Variants in ASCC3 observed in about 807,000 individuals in gnomAD.
The protein encoded by ASCC3 is ASC-1 complex subunit P200.
A neutral mutation model predicts 256.3 loss-of-function variants in ASCC3; 158 were observed. The ratio of observed to expected loss-of-function variants is 0.62; its 90% CI spans 0.54 to 0.70. ASCC3 has a LOEUF of 0.70. Ranked by LOEUF, ASCC3 falls within the 30% of genes least tolerant of loss-of-function variation. The pLI is 0.00. For missense variants in ASCC3, 2,259 were observed against 2,626.0 expected, an observed-to-expected ratio of 0.86 and a Z score of 3.05; for synonymous variants, 948 against 883.4, an observed-to-expected ratio of 1.07 and a Z score of -1.30.
chr6:100,829,686 G>T (rs1771523020), intron 4 of ASCC3, among the ~76,000 whole-genome samples: 1 of 152,220 alleles, frequency 6.6e-6, no homozygotes, highest in Admixed American at 6.5e-5. Flanking sequence ...GCCAAAGTGG[G>T]AGCCCAGGCA....
At chr6:100,604,779 T>C (rs1298039159) in intron 33 of ASCC3, among the ~76,000 whole-genome samples, 1 of 151,942 alleles carries the variant, frequency 6.6e-6, no homozygotes, top group Non-Finnish European at 1.5e-5. Context: ...TTATTAGCAC[T>C]TATAAAAAAT....
chr6:100,661,022 T>C (rs1776168435), intron 16 of ASCC3, among the ~76,000 whole-genome samples: 2 of 151,718 alleles, frequency 1.3e-5, no homozygotes, highest in South Asian at 4.1e-4. Flanking sequence ...AAGTACCTAA[T>C]ATAGGACTTT....
chr6:100,536,053 G>C (rs1192956792), intron 37 of ASCC3, among the ~76,000 whole-genome samples: 1 of 152,034 alleles, frequency 6.6e-6, no homozygotes, highest in African/African-American at 2.4e-5. Context: ...AAAAGTGACT[G>C]TGCGTGTAAA....
intron 37 of ASCC3, chr6:100,531,002 G>C: frequency 1.3e-6 from 2 of 1,595,822 alleles, no homozygotes; most frequent in Non-Finnish European, 1.7e-6. Context: ...TGATGACTTT[G>C]TGGAATTTGC....
intron 4 of ASCC3, among the ~76,000 whole-genome samples, chr6:100,842,972 C>T (rs749318710): frequency 6.6e-5 from 10 of 151,796 alleles, no homozygotes; most frequent in Non-Finnish European, 1.2e-4. Context: ...GAGACTCTGT[C>T]TCTGAAAGAA....
At chr6:100,574,659 G>A (rs900298553) in intron 36 of ASCC3, among the ~76,000 whole-genome samples, 3 of 150,848 alleles carry the variant, frequency 2.0e-5, no homozygotes, top group Non-Finnish European at 4.4e-5. Flanking sequence ...TTAATCTGTG[G>A]GACAGTTTAA....
chr6:100,876,432 T>C lies in ASCC3; in HGVS notation c.-42+4629A>G, dbSNP rs79100652. 6.2e-3 allele frequency among the ~76,000 whole-genome samples: 941 copies of C among 152,280 alleles called. 12 individuals carry two copies. The highest frequency in any genetic ancestry group is 0.022 in the African/African-American group (907 of 41,562). On this transcript the variant is annotated intron_variant, in intron 1 of 41. Coordinates refer to ENST00000369162, the MANE Select transcript of ASCC3 (RefSeq NM_006828.4). ...AATTTAAGGTGGCAATAATCTGGCA[T>C]AGGAACAAAGGTTGGTGTGAACCAG...
At chr6:100,801,698 C>G (rs1318428532) in intron 5 of ASCC3, among the ~76,000 whole-genome samples, 2 of 151,570 alleles carry the variant, frequency 1.3e-5, no homozygotes, top group Non-Finnish European at 2.9e-5. Flanking sequence ...AAGCATTTTC[C>G]TAAGTATTTT....
intron 34 of ASCC3, among the ~76,000 whole-genome samples, chr6:100,595,561 C>A (rs1311278593): frequency 3.3e-5 from 5 of 152,032 alleles, no homozygotes; most frequent in Non-Finnish European, 5.9e-5. Context: ...TAAAAAGGGT[C>A]ATTTGAGTGA....
intron 3 of ASCC3, 35 bp downstream of exon 3, chr6:100,864,029 C>T: frequency 1.4e-6 from 2 of 1,419,650 alleles, no homozygotes; most frequent in Non-Finnish European, 1.9e-6. Context: ...TACTGGTTCT[C>T]TTTAAAAAAA....
At chr6:100,803,205 AGGT>A (rs1770007675) in intron 5 of ASCC3, among the ~76,000 whole-genome samples, 1 of 152,010 alleles carries the variant, frequency 6.6e-6, no homozygotes, top group South Asian at 2.1e-4. Flanking sequence ...ACTATTCAAC[AGGT>A]GTAATATGGT....
intron 37 of ASCC3, among the ~76,000 whole-genome samples, chr6:100,538,464 TC>T (rs1406977521): frequency 6.6e-6 from 1 of 152,158 alleles, no homozygotes; most frequent in Non-Finnish European, 1.5e-5. Flanking sequence ...TTCTTCAGTT[TC>T]TAAAACAATA....
chr6:100,567,897 T>G (rs978676407), intron 36 of ASCC3, among the ~76,000 whole-genome samples: 3 of 152,150 alleles, frequency 2.0e-5, no homozygotes, highest in African/African-American at 7.2e-5. Context: ...ATTTGTTTTC[T>G]TTTGGATCCC....
intron 18 of ASCC3, 121 bp from the exon 19 acceptor site, chr6:100,651,767 T>C: frequency 2.7e-6 from 1 of 372,682 alleles, no homozygotes; most frequent in Non-Finnish European, 4.7e-6. Context: ...GCAGTTATAA[T>C]GTCTGTGTTA....
At chr6:100,724,993 A>G (rs1779558158) in intron 11 of ASCC3, among the ~76,000 whole-genome samples, 1 of 152,022 alleles carries the variant, frequency 6.6e-6, no homozygotes, top group South Asian at 2.1e-4. Flanking sequence ...GGCTGGAAGT[A>G]CAGACATGGC....
At chr6:100,751,387 G>C (rs566239073) in intron 10 of ASCC3, among the ~76,000 whole-genome samples, 2 of 151,828 alleles carry the variant, frequency 1.3e-5, no homozygotes, top group East Asian at 3.9e-4. Context: ...CCTTCCCCAG[G>C]GTTCTTGAAT....
chr6:100,638,865 C>T (rs41285889), intron 24 of ASCC3, 44 bp from the exon 25 acceptor site: 26,831 of 1,417,924 alleles, frequency 0.019, 307 homozygotes, highest in East Asian at 0.026. Flanking sequence ...TTGAAAAACA[C>T]GCATAATACT....
chr6:100,867,972 G>A lies in ASCC3; in HGVS notation c.26C>T (p.Ala9Val), dbSNP rs1015852851. Residue 9 changes from alanine (A) to valine (V), a missense_variant, in exon 2 of 42, where the codon GCC becomes GTC. This residue lies in a region of ASCC3 where 420 missense variants were observed against 419.3 expected (regional missense o/e 1.00). Coordinates refer to ENST00000369162, the MANE Select transcript of ASCC3 (RefSeq NM_006828.4). ...GGTGACATTTGAAAAGGAACGCAAG[G>A]CTCCTGTGAGACGAGGTAAAGCCAT... Reference protein sequence around the residue: MALPRLTGALRSFSNVTKQ... With the variant: MALPRLTGVLRSFSNVTKQ... 1 of 1,613,730 alleles carries A rather than the reference G, an allele frequency of 6.2e-7. No individual in the cohort carries two copies. The highest frequency in any genetic ancestry group is 8.5e-7 in the Non-Finnish European group (1 of 1,179,750).
At chr6:100,548,317 T>A (rs940730378) in intron 36 of ASCC3, among the ~76,000 whole-genome samples, 6 of 152,018 alleles carry the variant, frequency 3.9e-5, no homozygotes, top group Non-Finnish European at 8.8e-5. Flanking sequence ...CTATGCATAA[T>A]GTCTGCATCT....
Sources: gnomAD v4.1 joint callset for allele counts (sites outside exome capture counted in the v4.1 genomes callset) on GRCh38, gnomAD v4.1.1 for gene constraint, gnomAD v4.1.1 regional missense constraint, MANE v1.5 for transcripts, NCBI Gene and HGNC (gene_info 2026-07-23, HGNC 2026-07-21) for gene names.